Variants in SEC14L1 observed in about 807,000 individuals in gnomAD.
SEC14L1 encodes the protein SEC14-like protein 1.
A neutral mutation model predicts 85.3 loss-of-function variants in SEC14L1; 48 were observed. The ratio of observed to expected loss-of-function variants is 0.56; its 90% CI spans 0.45 to 0.72. The LOEUF is 0.72. Among genes scored for constraint, SEC14L1 ranks in the 30% least tolerant of loss-of-function variants. SEC14L1 has a pLI of 0.00. For missense variants in SEC14L1, 682 were observed against 921.4 expected (o/e 0.74, Z 3.36); for synonymous variants, 391 against 355.5 (o/e 1.10, Z -1.12).
chr17:77,194,971 T>C lies in SEC14L1; in HGVS notation c.709+60T>C, dbSNP rs964415346. On this transcript the variant is annotated intron_variant, in intron 7 of 16. Transcript: ENST00000436233. ...GCTAGGGAAGTCGGCGTTGCCGTTT[T>C]CTCTCTGTTTGCTCTGCCTGTTCCC... The C allele has an allele frequency of 6.3e-6, 8 of 1,262,758 alleles. No individual in the cohort carries two copies. In the South Asian group the frequency reaches 7.4e-5, roughly 12 times the overall value. The allele number at this position is 1,262,758 out of a possible 1,614,324, so 78.2% of individuals were successfully genotyped here.
intron 10 of SEC14L1, among the ~76,000 whole-genome samples, chr17:77,205,018 G>C (rs1976392436): frequency 6.6e-6 from 1 of 152,148 alleles, no homozygotes; most frequent in Non-Finnish European, 1.5e-5. Context: ...GCTCATCTGG[G>C]GATACCTCTG....
At chr17:77,093,631 G>A (rs1222324676) in intron 3 of SEC14L1, 2 of 152,216 alleles carry the variant, frequency 1.3e-5, no homozygotes, top group African/African-American at 4.8e-5. Context: ...CCACCACGTT[G>A]TCCACGTGGG....
Position 77,178,099 on chromosome 17 carries a change from A to T in SEC14L1, c.64-12704A>T, listed in dbSNP as rs1197998233. ...TTGAGTGCAGTGTTCATGCACTAGC[A>T]CTTGTTTCTAGGACCCAAAGGTTTA... On this transcript the variant is annotated intron_variant, in intron 3 of 16. Coordinates refer to ENST00000436233, the MANE Select transcript of SEC14L1 (RefSeq NM_001143998.2). Among the ~76,000 whole-genome samples, 3 of 119,216 alleles carry T rather than the reference A, an allele frequency of 2.5e-5. No individual in the cohort carries two copies. The East Asian group carries it at 8.2e-4, about 33-fold the overall frequency. The allele number at this position is 119,216 out of a possible 152,430, so 78.2% of individuals were successfully genotyped here. A position where few individuals can be genotyped will look rare whatever the true frequency, so the allele number is the denominator to read the frequency against.
At chr17:77,151,160 T>C (rs1973539180) in intron 3 of SEC14L1, among the ~76,000 whole-genome samples, 1 of 152,214 alleles carries the variant, frequency 6.6e-6, no homozygotes, top group Non-Finnish European at 1.5e-5. Flanking sequence ...GGTAGGTGAC[T>C]TAAAACCCAA....
intron 3 of SEC14L1, among the ~76,000 whole-genome samples, chr17:77,176,414 C>G (rs904252925): frequency 6.6e-6 from 1 of 152,172 alleles, no homozygotes; most frequent in Non-Finnish European, 1.5e-5. Context: ...GAGGATTTAC[C>G]CAGGACTCTC....
At chr17:77,105,175 A>G (rs1173508100) in intron 3 of SEC14L1, among the ~76,000 whole-genome samples, 1 of 152,052 alleles carries the variant, frequency 6.6e-6, no homozygotes, top group Admixed American at 6.6e-5. Flanking sequence ...GGTTGGCCCT[A>G]AGCAGTTTCC....
At position 77,213,774 on chromosome 17, in the gene SEC14L1, A is replaced by G. The variant is rs751094867; in HGVS notation, c.2043-144A>G. 2 of 1,110,462 alleles carry G rather than the reference A, an allele frequency of 1.8e-6. No individual in the cohort carries two copies. Among genetic ancestry groups the G allele is most frequent in the Non-Finnish European group, 2.7e-6 (2 of 745,426 alleles). The allele number at this position is 1,110,462 out of a possible 1,614,324, so 68.8% of individuals were successfully genotyped here. A position where few individuals can be genotyped will look rare whatever the true frequency, so the allele number is the denominator to read the frequency against. ...AGCCGGTCCCCCTGGTGGGTTACTCATGTCCATCCCCCGTTTGCAAGCACT... is the reference window on the plus strand; with the variant it reads ...AGCCGGTCCCCCTGGTGGGTTACTCGTGTCCATCCCCCGTTTGCAAGCACT... On this transcript the variant is annotated intron_variant, in intron 16 of 16. Transcript: ENST00000436233. The surrounding 1 kb of genome is among the most constrained non-coding windows in gnomAD (Gnocchi z 7.1).
upstream of SEC14L1, among the ~76,000 whole-genome samples, chr17:77,138,405 A>G (rs996706058): frequency 1.3e-5 from 2 of 152,026 alleles, no homozygotes; most frequent in African/African-American, 4.8e-5. Context: ...GCAGATCACA[A>G]GGTCAGGAGT....
chr17:77,145,135 G>A (rs9909495), intron 3 of SEC14L1: 103,336 of 143,458 alleles, frequency 0.72, 35,930 homozygotes, highest in African/African-American at 0.74. Flanking sequence ...GTGTGTGTGT[G>A]TATATATACA....
At chr17:77,175,913 G>A (rs2143710494) in intron 3 of SEC14L1, among the ~76,000 whole-genome samples, 1 of 152,220 alleles carries the variant, frequency 6.6e-6, no homozygotes, top group East Asian at 1.9e-4. Flanking sequence ...CTCAGAATAG[G>A]GAGTGTGTGC....
upstream of SEC14L1, among the ~76,000 whole-genome samples, chr17:77,136,250 CCTTT>C (rs201886603): frequency 0.022 from 3,259 of 150,088 alleles, 49 homozygotes; most frequent in Middle Eastern, 0.027. Context: ...CTTCCTCTTT[CCTTT>C]CTTTCTTTCT....
rs950337153 is a variant in SEC14L1 at position 77,209,542 on chromosome 17, G to C, written c.1611+66G>C. 8 of 1,551,802 alleles carry C rather than the reference G, an allele frequency of 5.2e-6. No individual in the cohort carries two copies. In the African/African-American group the frequency reaches 5.5e-5, roughly 11 times the overall value. ...CCGCAGAGGGCCTGGCCCTCGCAGG[G>C]CTTCCTGGCAGCCTTTCATTCAGAA... On this transcript the variant is annotated intron_variant, in intron 14 of 16. Transcript: ENST00000436233.
intron 7 of SEC14L1, 116 bp from the exon 8 acceptor site, chr17:77,196,086 G>A (rs1975794878): frequency 2.8e-6 from 2 of 714,078 alleles, no homozygotes; most frequent in African/African-American, 1.8e-5. Flanking sequence ...CCATCTCTGC[G>A]GTTTCATGTG....
chr17:77,092,273 C>T (rs548318285), intron 2 of SEC14L1, among the ~76,000 whole-genome samples: 11 of 152,254 alleles, frequency 7.2e-5, no homozygotes, highest in African/African-American at 2.2e-4. Context: ...TTGAGTCATA[C>T]GCCGTGGAGG....
At position 77,193,343 on chromosome 17, in the gene SEC14L1, A is replaced by G. The variant is rs1598376497; in HGVS notation, c.346-78A>G. On this transcript the variant is annotated intron_variant, in intron 5 of 16. Transcript: ENST00000436233. ...GTAACGTAAGTGTTTTTTTCTGGTT[A>G]CTGGTTAAACTGAGGAGCAGGCAGA... 12 of 1,378,772 alleles carry G rather than the reference A, an allele frequency of 8.7e-6. No individual in the cohort carries two copies. The East Asian group carries it at 9.8e-5, about 11-fold the overall frequency. The allele number at this position is 1,378,772 out of a possible 1,614,324, so 85.4% of individuals were successfully genotyped here.
At chr17:77,180,243 A>C (rs1436216896) in intron 3 of SEC14L1, among the ~76,000 whole-genome samples, 2 of 150,886 alleles carry the variant, frequency 1.3e-5, no homozygotes, top group Non-Finnish European at 2.9e-5. Flanking sequence ...AGCTGGGACT[A>C]CAGGCACCTG....
At chr17:77,139,598 C>T (rs962148225), upstream of SEC14L1, among the ~76,000 whole-genome samples, 4 of 148,740 alleles carry the variant, frequency 2.7e-5, no homozygotes, top group African/African-American at 7.5e-5. Context: ...CCAGGGTTCA[C>T]GCCATTCTCC....
intron 3 of SEC14L1, among the ~76,000 whole-genome samples, chr17:77,167,160 T>C (rs1488988673): frequency 1.3e-5 from 2 of 149,778 alleles, no homozygotes; most frequent in Non-Finnish European, 3.0e-5. Context: ...TTTTTTTTTT[T>C]TTTTTGAGAC....
chr17:77,159,988 AT>A (rs773311650), intron 3 of SEC14L1, among the ~76,000 whole-genome samples: 47 of 152,036 alleles, frequency 3.1e-4, no homozygotes, highest in Non-Finnish European at 6.6e-4. Context: ...GTTACTCCTG[AT>A]TTTCTTTTCT....
Sources: allele counts gnomAD v4.1 joint callset (sites outside exome capture counted in the v4.1 genomes callset), GRCh38; gene constraint gnomAD v4.1.1; non-coding constraint Gnocchi (gnomAD v3.1); transcripts MANE v1.5; gene names NCBI Gene and HGNC (gene_info 2026-07-23, HGNC 2026-07-21).